The following STAG2 variants were observed in gnomAD, a reference collection of about 807,000 sequenced individuals.
STAG2 encodes STAG2 cohesin complex component, also known as cohesin subunit SA-2.
Under a neutral mutation model 108.1 loss-of-function variants are expected in STAG2, and 14 were observed. The observed-to-expected ratio is 0.13, with a 90% CI of 0.09 to 0.20. The LOEUF is 0.20. Ranked by LOEUF, STAG2 falls within the 10% of genes least tolerant of loss-of-function variation. STAG2 has a pLI of 1.00. For missense variants in STAG2, 440 were observed against 940.9 expected, an observed-to-expected ratio of 0.47 and a Z score of 6.96; for synonymous variants, 307 against 302.7, an observed-to-expected ratio of 1.01 and a Z score of -0.15.
intron 1 of STAG2, among the ~76,000 whole-genome samples, chrX:124,013,487 T>C (rs1430092303): frequency 1.8e-5 from 2 of 112,074 alleles, no homozygotes; most frequent in African/African-American, 6.5e-5. Flanking sequence ...TGATAGTATA[T>C]GATAAAACAA....
chrX:124,086,888 T>C, intron 30 of STAG2, 118 bp downstream of exon 30: 1 of 609,139 alleles, frequency 1.6e-6, no homozygotes, highest in Non-Finnish European at 2.4e-6. Context: ...CAAAATGTGT[T>C]CATTATGTGT....
intron 6 of STAG2, among the ~76,000 whole-genome samples, chrX:124,038,445 AT>A (rs2057588414): frequency 9.1e-6 from 1 of 110,244 alleles, no homozygotes. Context: ...CATCAACAAC[AT>A]TAGAGCATTA....
chrX:124,030,850 T>G, intron 4 of STAG2, 111 bp from the exon 5 acceptor site: 1 of 805,195 alleles, frequency 1.2e-6, no homozygotes, highest in Non-Finnish European at 1.7e-6. Flanking sequence ...ATGGAATTCT[T>G]TAGGGCAAGT....
At chrX:124,034,167 T>C (rs1029756441) in intron 5 of STAG2, among the ~76,000 whole-genome samples, 1 of 111,969 alleles carries the variant, frequency 8.9e-6, no homozygotes, top group Admixed American at 9.5e-5. Context: ...GCTTGTCATA[T>C]TAAGATTGTA....
chrX:124,003,764 A>T (rs1015189571), intron 1 of STAG2: 1 of 111,219 alleles, frequency 9.0e-6, no homozygotes, highest in Non-Finnish European at 1.9e-5. Context: ...TAAATACTTA[A>T]TTTTTTCCTT....
At chrX:124,002,812 C>CT (rs111999061) in intron 1 of STAG2, among the ~76,000 whole-genome samples, 4,703 of 92,862 alleles carry the variant, frequency 0.051, 138 homozygotes, top group African/African-American at 0.083. Flanking sequence ...TTCTTTCTTT[C>CT]TTTTTTTTTT....
At chrX:124,047,533 T>C (rs759521036) in intron 9 of STAG2, 28 bp downstream of exon 9, 1 of 1,175,634 alleles carries the variant, frequency 8.5e-7, no homozygotes, top group South Asian at 1.9e-5. Context: ...ATATTTAGGC[T>C]ATTGTGTGAC....
At chrX:123,980,297 A>AAAGAGCCGG (rs2054816364) in intron 1 of STAG2, among the ~76,000 whole-genome samples, 1 of 111,075 alleles carries the variant, frequency 9.0e-6, no homozygotes, top group African/African-American at 3.3e-5. Context: ...ACTTAGAATT[A>AAAGAGCCGG]AAGAGCCGGA....
chrX:124,017,827 T>G (rs182237822), intron 1 of STAG2, among the ~76,000 whole-genome samples: 147 of 112,006 alleles, frequency 1.3e-3, no homozygotes, highest in African/African-American at 4.5e-3. Context: ...TTACGGTGAT[T>G]AAGTTTCAGC....
intron 5 of STAG2, 57 bp from the exon 6 acceptor site, chrX:124,037,470 T>C (rs1026467902): frequency 2.7e-5 from 21 of 792,428 alleles, no homozygotes; most frequent in South Asian, 1.4e-4. Flanking sequence ...TCAGACTTAA[T>C]TGATTTTGAG....
intron 28 of STAG2, among the ~76,000 whole-genome samples, chrX:124,082,452 C>A (rs888981102): frequency 8.9e-6 from 1 of 112,085 alleles, no homozygotes; most frequent in Admixed American, 9.5e-5. Flanking sequence ...CTCGGACTCT[C>A]CTTCATCCTC....
chrX:124,028,985 TTATA>T (rs376061447), intron 4 of STAG2, among the ~76,000 whole-genome samples: 6 of 64,018 alleles, frequency 9.4e-5, no homozygotes, highest in African/African-American at 4.1e-4. Flanking sequence ...TTATTTTTAT[TTATA>T]TATATATATA....
chrX:123,960,848 G>A (rs2053816780), upstream of STAG2: 1 of 110,401 alleles, frequency 9.1e-6, no homozygotes, highest in Non-Finnish European at 1.9e-5. Flanking sequence ...TGCTGCCTCT[G>A]TGTACGCTGA....
At chrX:124,087,340 C>G (rs1260353110) in intron 30 of STAG2, among the ~76,000 whole-genome samples, 2 of 111,702 alleles carry the variant, frequency 1.8e-5, no homozygotes, top group Non-Finnish European at 3.8e-5. Context: ...GGACTTTTTT[C>G]TTTTTCTTAG....
rs2057753710 is a variant in STAG2, at chrX:124,042,652, T to TA, written c.462+8dup. On this transcript the variant is annotated splice_region_variant and intron_variant, in intron 7 of 34. Coordinates refer to ENST00000371145, the MANE Select transcript of STAG2 (RefSeq NM_001042750.2). Reference sequence around the variant, plus strand: ...GACTGAAGAATTCGATGAGGTAACTTACTACCTTAAGTGTTTTGATAACTT... The same window carrying TA: ...GACTGAAGAATTCGATGAGGTAACTTAACTACCTTAAGTGTTTTGATAACTT... The TA allele has an allele frequency of 8.9e-7, 1 of 1,123,222 alleles. No individual in the cohort carries two copies. The allele number at this position is 1,123,222 out of a possible 1,213,427, so 92.6% of individuals were successfully genotyped here.
chrX:124,039,916 A>G (rs1312045719), intron 6 of STAG2, among the ~76,000 whole-genome samples: 4 of 110,818 alleles, frequency 3.6e-5, no homozygotes, highest in South Asian at 3.7e-4. Flanking sequence ...TGCTAACTCA[A>G]CATTTGGACC....
chrX:124,100,503 A>G lies in STAG2; in HGVS notation c.3784-71A>G, dbSNP rs970987133. 17 of 901,677 alleles carry G rather than the reference A, an allele frequency of 1.9e-5. No individual in the cohort carries two copies. In the Admixed American group the frequency reaches 2.1e-4, roughly 11 times the overall value. The allele number at this position is 901,677 out of a possible 1,213,427, so 74.3% of individuals were successfully genotyped here. ...TTTAACATAATAAAGTATTAATGTA[A>G]TATTTATGGATATATTTAAAGAAAT... On this transcript the variant is annotated intron_variant, in intron 34 of 34. Transcript: ENST00000371145.
In STAG2 at chrX:124,064,610, A is replaced by G. The variant is rs776151123; in HGVS notation, c.2025+559A>G. On this transcript the variant is annotated intron_variant, in intron 20 of 34. Coordinates refer to ENST00000371145, the MANE Select transcript of STAG2 (RefSeq NM_001042750.2). ...AGGCGTGTGCCACTGTACCAGGCTA[A>G]TTTTTGTATTTTTAGTAGAGATGGG... Among the ~76,000 whole-genome samples the G allele has an allele frequency of 3.6e-5, 4 of 109,849 alleles. No individual in the cohort carries two copies. In the East Asian group the frequency reaches 1.1e-3, roughly 31 times the overall value.
chrX:123,963,813 CCAAAGAAT>C (rs1204768563), intron 1 of STAG2, among the ~76,000 whole-genome samples: 9 of 111,493 alleles, frequency 8.1e-5, no homozygotes, highest in Non-Finnish European at 1.7e-4. Context: ...TTATCACCTA[CCAAAGAAT>C]TGTGTAAGGC....
Sources: gnomAD v4.1 joint callset for allele counts (sites outside exome capture counted in the v4.1 genomes callset) on GRCh38, gnomAD v4.1.1 for gene constraint, MANE v1.5 for transcripts, NCBI Gene and HGNC (gene_info 2026-07-23, HGNC 2026-07-21) for gene names.